The following VSNL1 variants were observed in gnomAD, a reference collection of about 807,000 sequenced individuals.
VSNL1 encodes the protein visinin-like protein 1.
A neutral mutation model predicts 20.4 loss-of-function variants in VSNL1; 6 were observed. The observed-to-expected ratio is 0.29, with a 90% CI of 0.16 to 0.58. The LOEUF (loss-of-function observed/expected upper bound fraction) is 0.58. VSNL1 is among the 20% of genes least tolerant of loss of function. VSNL1 has a pLI of 0.90. For synonymous variants in VSNL1, 93 were observed against 86.4 expected (o/e 1.08, Z -0.42); for missense variants, 100 against 234.5 (o/e 0.43, Z 3.75).
chr2:17,613,723 C>T (rs1665145862), intron 2 of VSNL1, among the ~76,000 whole-genome samples: 5 of 152,150 alleles, frequency 3.3e-5, no homozygotes, highest in Admixed American at 3.3e-4. Context: ...CTGCACAGAC[C>T]CACTGGTCCA....
At chr2:17,557,955 C>T (rs1229888435) in intron 1 of VSNL1, among the ~76,000 whole-genome samples, 1 of 152,154 alleles carries the variant, frequency 6.6e-6, no homozygotes, top group Non-Finnish European at 1.5e-5. Flanking sequence ...CTATGTGCTT[C>T]TACAAGTCCA....
At position 17,571,627 on chromosome 2, in the gene VSNL1, C is replaced by T. The variant is rs141842461; in HGVS notation, c.-5-20443C>T. ...CACCTACTCAGCACCAGGGACAATT[C>T]TAGGTACAAAGAGTGCTAACAAGAC... On this transcript the variant is annotated intron_variant, in intron 1 of 3. Coordinates refer to ENST00000295156, the MANE Select transcript of VSNL1 (RefSeq NM_003385.5). 1.1e-4 allele frequency among the ~76,000 whole-genome samples: 16 copies of T among 152,304 alleles called. No individual in the cohort carries two copies. In the East Asian group the frequency reaches 3.1e-3, roughly 29 times the overall value.
chr2:17,541,441 G>C (rs1289162154), intron 1 of VSNL1: 1 of 152,192 alleles, frequency 6.6e-6, no homozygotes, highest in Non-Finnish European at 1.5e-5. Context: ...CACGGAGTCA[G>C]GCGCAAAATG....
intron 2 of VSNL1, among the ~76,000 whole-genome samples, chr2:17,605,668 A>T (rs1664929076): frequency 6.6e-6 from 1 of 152,212 alleles, no homozygotes; most frequent in African/African-American, 2.4e-5. Context: ...GAGGGACAGG[A>T]TCACATTTGA....
At chr2:17,565,032 T>C (rs62131522) in intron 1 of VSNL1, among the ~76,000 whole-genome samples, 5,030 of 152,276 alleles carry the variant, frequency 0.033, 88 homozygotes, top group East Asian at 0.097. Context: ...TAGCAAAATT[T>C]TTAGAGTTAT....
intron 2 of VSNL1, among the ~76,000 whole-genome samples, chr2:17,626,456 C>T (rs550666955): frequency 9.9e-5 from 15 of 152,276 alleles, no homozygotes; most frequent in African/African-American, 2.4e-4. Context: ...GGCCACTAAG[C>T]GAAGTCCTAA....
rs1040191813 is a variant in VSNL1 at position 17,649,995 on chromosome 2, C to CGG, written c.378+372_378+373dup. ...GGGACCCGAGGCTGTCAGGGGCTCC[C>CGG]GGGACATCCTTCCAGGTTCTGGTCA... On this transcript the variant is annotated intron_variant, in intron 3 of 3. Transcript: ENST00000295156. This position sits in a 1 kb window ranked among gnomAD's most constrained non-coding sequence, Gnocchi z 6.4. Among the ~76,000 whole-genome samples, 6 of 152,182 alleles carry CGG rather than the reference C, an allele frequency of 3.9e-5. No homozygotes were observed. Among genetic ancestry groups the CGG allele is most frequent in the African/African-American group, 1.4e-4 (6 of 41,442 alleles).
chr2:17,568,215 T>C (rs16983631), intron 1 of VSNL1, among the ~76,000 whole-genome samples: 5,029 of 152,306 alleles, frequency 0.033, 89 homozygotes, highest in East Asian at 0.098. Flanking sequence ...TACCACTGTT[T>C]TGATACCTAT....
At chr2:17,567,328 G>A (rs1174957443) in intron 1 of VSNL1, 1 of 133,722 alleles carries the variant, frequency 7.5e-6, no homozygotes, top group Non-Finnish European at 1.6e-5. Flanking sequence ...TGGTCTTGAT[G>A]TAAAGAGAGT....
At chr2:17,622,692 A>G (rs1665414758) in intron 2 of VSNL1, among the ~76,000 whole-genome samples, 1 of 152,212 alleles carries the variant, frequency 6.6e-6, no homozygotes, top group Non-Finnish European at 1.5e-5. Flanking sequence ...TATGACCAGG[A>G]AAGATTAGGC....
At chr2:17,609,164 G>A (rs528310689) in intron 2 of VSNL1, among the ~76,000 whole-genome samples, 1 of 152,074 alleles carries the variant, frequency 6.6e-6, no homozygotes, top group Non-Finnish European at 1.5e-5. Flanking sequence ...TCAAGGCCTC[G>A]GTCTCTTTCT....
intron 2 of VSNL1, among the ~76,000 whole-genome samples, chr2:17,614,402 C>G (rs190861061): frequency 6.6e-6 from 1 of 152,228 alleles, no homozygotes; most frequent in Non-Finnish European, 1.5e-5. Context: ...ATCATTACCC[C>G]TCAGTATGAG....
At chr2:17,593,249 A>G (rs1664635265) in intron 2 of VSNL1, among the ~76,000 whole-genome samples, 1 of 152,202 alleles carries the variant, frequency 6.6e-6, no homozygotes, top group African/African-American at 2.4e-5. Context: ...TAGCTGCACT[A>G]TTCACAATGG....
chr2:17,564,097 T>C (rs1663880027), intron 1 of VSNL1, among the ~76,000 whole-genome samples: 1 of 152,024 alleles, frequency 6.6e-6, no homozygotes, highest in Non-Finnish European at 1.5e-5. Flanking sequence ...ACAGAAAAAA[T>C]GAATTAGAAA....
In VSNL1 at chr2:17,634,901, T is replaced by A. The variant is rs1665717965; in HGVS notation, c.163-14509T>A. Among the ~76,000 whole-genome samples the A allele has an allele frequency of 6.6e-6, 1 of 152,158 alleles. No individual in the cohort carries two copies. The highest frequency in any genetic ancestry group is 2.4e-5 in the African/African-American group (1 of 41,440). ...GTTACTGCTCCTGCTTGGTTCTGAC[T>A]CACGGTCAGGCTCTAACTGGCAGCT... On this transcript the variant is annotated intron_variant, in intron 2 of 3. Coordinates refer to ENST00000295156, the MANE Select transcript of VSNL1 (RefSeq NM_003385.5). This position sits in a 1 kb window ranked among gnomAD's most constrained non-coding sequence, Gnocchi z 4.3.
chr2:17,550,893 T>C (rs1282539405), intron 1 of VSNL1, among the ~76,000 whole-genome samples: 5 of 152,194 alleles, frequency 3.3e-5, no homozygotes, highest in African/African-American at 1.2e-4. Flanking sequence ...TCTTAGCACA[T>C]CTGAACACAT....
chr2:17,619,766 C>T (rs371380581), intron 2 of VSNL1, among the ~76,000 whole-genome samples: 4 of 151,958 alleles, frequency 2.6e-5, no homozygotes, highest in South Asian at 2.1e-4. Context: ...ATGAGGGTAA[C>T]GTATTCATTC....
At chr2:17,564,160 A>T (rs1663881755) in intron 1 of VSNL1, among the ~76,000 whole-genome samples, 2 of 152,122 alleles carry the variant, frequency 1.3e-5, no homozygotes, top group Admixed American at 1.3e-4. Flanking sequence ...TCTGGCCTAA[A>T]TTTCTTTTTT....
intron 2 of VSNL1, among the ~76,000 whole-genome samples, chr2:17,622,779 A>T (rs1190813178): frequency 1.3e-5 from 2 of 152,216 alleles, no homozygotes; most frequent in African/African-American, 2.4e-5. Flanking sequence ...TCAGCAAAGC[A>T]ACAGGGGGCC....
Sources: gnomAD v4.1 joint callset for allele counts (sites outside exome capture counted in the v4.1 genomes callset) on GRCh38, gnomAD v4.1.1 for gene constraint, Gnocchi (gnomAD v3.1) non-coding constraint, MANE v1.5 for transcripts, NCBI Gene and HGNC (gene_info 2026-07-23, HGNC 2026-07-21) for gene names.